POGZ: variants seen among roughly 807,000 people sequenced by gnomAD.
POGZ encodes pogo transposable element derived with ZNF domain, also known as pogo transposable element with ZNF domain.
In POGZ, 17 loss-of-function variants were observed where a neutral mutation model predicts 134.6. That is an observed-to-expected ratio of 0.13 (90% CI 0.09 to 0.19). POGZ has a LOEUF of 0.19. Among genes scored for constraint, POGZ ranks in the 10% least tolerant of loss-of-function variants. The probability of loss-of-function intolerance (pLI) is 1.00; values close to 1 mark genes in which losing one functional copy is unlikely to be tolerated. For missense variants in POGZ, 1,306 were observed against 1,769.7 expected (o/e 0.74, Z 4.70); for synonymous variants, 693 against 657.1 (o/e 1.05, Z -0.84).
intron 3 of POGZ, among the ~76,000 whole-genome samples, chr1:151,437,900 G>C: frequency 6.6e-6 from 1 of 152,102 alleles, no homozygotes; most frequent in East Asian, 1.9e-4. Flanking sequence ...TATCCTTAAA[G>C]TTGGACTAGC....
chr1:151,436,642 T>C (rs990501818), intron 3 of POGZ, among the ~76,000 whole-genome samples: 2 of 152,170 alleles, frequency 1.3e-5, no homozygotes, highest in African/African-American at 4.8e-5. Flanking sequence ...CTCAGCATTA[T>C]GTTTTCAAGG....
intron 10 of POGZ, among the ~76,000 whole-genome samples, chr1:151,419,668 CAAAAAAAAAAAAAAA>C (rs59593149): frequency 2.3e-5 from 1 of 43,650 alleles, no homozygotes; most frequent in Admixed American, 4.5e-4. Flanking sequence ...GACCCTGTCT[CAAAAAAAAAAAAAAA>C]AAAAAAAAAA....
intron 3 of POGZ, among the ~76,000 whole-genome samples, chr1:151,432,002 C>T (rs1384793067): frequency 6.6e-6 from 1 of 152,122 alleles, no homozygotes; most frequent in Non-Finnish European, 1.5e-5. Context: ...AACGCTGTCT[C>T]CACTAAAAAT....
At chr1:151,419,333 G>T (rs1023867642) in intron 10 of POGZ, among the ~76,000 whole-genome samples, 3 of 151,870 alleles carry the variant, frequency 2.0e-5, no homozygotes, top group Non-Finnish European at 4.4e-5. Context: ...CTGCACTCCA[G>T]CCTAGGTGAC....
At chr1:151,415,081 A>C (rs982294671) in intron 10 of POGZ, among the ~76,000 whole-genome samples, 1 of 152,298 alleles carries the variant, frequency 6.6e-6, no homozygotes, top group African/African-American at 2.4e-5. Flanking sequence ...ATGGAAGGAT[A>C]GATCTCTTGT....
rs767055112 is a variant in POGZ, at chr1:151,424,033, T to C, written c.1439A>G (p.Lys480Arg). ...DDFYYGRDGGKVAQLTNFPKV... is the reference protein window; with the variant it reads ...DDFYYGRDGGRVAQLTNFPKV... The stretch of plus-strand genomic sequence containing the variant: ...AGGGAAATTTGTGAGCTGGGCTACT[T>C]TGCCACCATCCCGTCCATAGTAGAA... Residue 480 changes from lysine (K) to arginine (R), a missense_variant, in exon 9 of 19, where the codon AAA becomes AGA. By Grantham distance (26) the Lys-to-Arg change is conservative. Transcript: ENST00000271715. The C allele has an allele frequency of 1.2e-6, 2 of 1,614,068 alleles. No individual in the cohort carries two copies. The highest frequency in any genetic ancestry group is 1.1e-5 in the South Asian group (1 of 91,090).
chr1:151,421,756 GTTTTC>G (rs1656960917), intron 10 of POGZ, among the ~76,000 whole-genome samples: 1 of 152,046 alleles, frequency 6.6e-6, no homozygotes, highest in South Asian at 2.1e-4. Context: ...TATTCTTATT[GTTTTC>G]TTTTGTTTTG....
chr1:151,409,688 C>G (rs1428306694), intron 12 of POGZ, among the ~76,000 whole-genome samples: 1 of 152,180 alleles, frequency 6.6e-6, no homozygotes, highest in Admixed American at 6.5e-5. Context: ...CCATGTTGCC[C>G]AGGCTGGACT....
chr1:151,412,558 A>T (rs556916252), intron 10 of POGZ, among the ~76,000 whole-genome samples, 162 bp from the exon 11 acceptor site: 31 of 152,264 alleles, frequency 2.0e-4, no homozygotes, highest in African/African-American at 7.5e-4. Flanking sequence ...CTTAACATAT[A>T]TGTTGCTGAT....
chr1:151,424,319 T>G lies in POGZ; in HGVS notation c.1186-33A>C. ...GAAAGACATCTGATCATTCTGGTTA[T>G]CCTGGGGGCTAGAATGTGCTAACTC... On this transcript the variant is annotated intron_variant, in intron 8 of 18. Transcript: ENST00000271715. 3 of 1,350,098 alleles carry G rather than the reference T, an allele frequency of 2.2e-6. No individual in the cohort carries two copies. The South Asian group carries it at 4.2e-5, about 19-fold the overall frequency. The allele number at this position is 1,350,098 out of a possible 1,614,324, so 83.6% of individuals were successfully genotyped here. A position where few individuals can be genotyped will look rare whatever the true frequency, so the allele number is the denominator to read the frequency against.
intron 10 of POGZ, among the ~76,000 whole-genome samples, chr1:151,416,716 T>C (rs1655788159): frequency 6.6e-6 from 1 of 150,786 alleles, no homozygotes. Context: ...CTCGACTTGC[T>C]GGGCTCAAAC....
Position 151,404,906 on chromosome 1 carries a change from C to T in POGZ, c.4129G>A (p.Glu1377Lys), listed in dbSNP as rs767663418. 32 of 1,614,086 alleles carry T rather than the reference C, an allele frequency of 2.0e-5. No homozygotes were observed. Among genetic ancestry groups the T allele is most frequent in the Non-Finnish European group, 2.5e-5 (30 of 1,180,054 alleles). The change falls in exon 19 of 19, where the codon GAG (glutamate) becomes AAG (lysine). Residue 1377 changes from glutamate (E) to lysine (K), a missense_variant. Around this residue, in one of 10 missense-constraint regions of POGZ, gnomAD observed 107 missense variants for 97.9 expected, o/e 1.09. Coordinates refer to ENST00000271715, the MANE Select transcript of POGZ (RefSeq NM_015100.4). ...STPRPRSSPEETIEPESLHQL... is the reference protein window; with the variant it reads ...STPRPRSSPEKTIEPESLHQL... ...TGAAGACTTTCAGGCTCAATTGTCT[C>T]TTCAGGAGATGATCTGGGTCGTGGA...
chr1:151,445,522 CAAAA>C (rs201269208), intron 1 of POGZ, among the ~76,000 whole-genome samples: 1 of 52,918 alleles, frequency 1.9e-5, no homozygotes, highest in Admixed American at 1.6e-4. Context: ...GACTCTGTCT[CAAAA>C]AAAAAAAAAA....
chr1:151,404,027 A>C lies in POGZ; in HGVS notation c.*775T>G, dbSNP rs1301951510. 1.0e-6 allele frequency: 1 copy of C among 985,320 alleles called. No homozygotes were observed. The highest frequency in any genetic ancestry group is 1.7e-5 in the African/African-American group (1 of 57,234). 61.0% of individuals were successfully genotyped at this position (985,320 alleles called of 1,614,324 possible). On this transcript the variant is annotated 3_prime_UTR_variant, in exon 19 of 19. Transcript: ENST00000271715. ...AAGGGGCCAAGGATCACAAGTGCAA[A>C]AAATATTGTTTATGTCATGTTTTGG...
intron 1 of POGZ, among the ~76,000 whole-genome samples, chr1:151,448,660 G>A (rs1473161400): frequency 1.3e-5 from 2 of 151,876 alleles, no homozygotes; most frequent in Admixed American, 6.6e-5. Context: ...CCAGAGGTTC[G>A]AGACCAGCCT....
At chr1:151,408,368 C>T (rs1358332070) in intron 14 of POGZ, 41 bp downstream of exon 14, 1 of 1,562,328 alleles carries the variant, frequency 6.4e-7, no homozygotes, top group East Asian at 2.2e-5. Flanking sequence ...ATCCTGGCCA[C>T]CCAGTCCCCA....
At chr1:151,435,373 C>A (rs567822894) in intron 3 of POGZ, among the ~76,000 whole-genome samples, 12 of 152,276 alleles carry the variant, frequency 7.9e-5, no homozygotes, top group Admixed American at 7.2e-4. Context: ...CATAATGTTT[C>A]TTTCCTGTGC....
intron 12 of POGZ, 127 bp from the exon 13 acceptor site, chr1:151,408,955 G>T: frequency 2.4e-6 from 2 of 834,380 alleles, no homozygotes; most frequent in African/African-American, 1.7e-5. Context: ...GATAATTTAA[G>T]AGAGTAAGAA....
intron 10 of POGZ, among the ~76,000 whole-genome samples, chr1:151,421,632 T>C (rs1033101993): frequency 9.2e-5 from 14 of 152,378 alleles, no homozygotes; most frequent in Non-Finnish European, 1.6e-4. Flanking sequence ...CTGACACTTA[T>C]ACAGCCACCC....
Sources: gnomAD v4.1 joint callset for allele counts (sites outside exome capture counted in the v4.1 genomes callset) on GRCh38, gnomAD v4.1.1 for gene constraint, gnomAD v4.1.1 regional missense constraint, MANE v1.5 for transcripts, NCBI Gene and HGNC (gene_info 2026-07-23, HGNC 2026-07-21) for gene names.